Variants in TBL1XR1 observed in about 807,000 individuals in gnomAD.
TBL1XR1 encodes TBL1X/Y related 1, also known as F-box-like/WD repeat-containing protein TBL1XR1.
Under a neutral mutation model 66.9 loss-of-function variants are expected in TBL1XR1, and 5 were observed. The observed-to-expected ratio is 0.07, with a 90% CI of 0.04 to 0.16. The LOEUF is 0.16. Among genes scored for constraint, TBL1XR1 ranks in the 10% least tolerant of loss-of-function variants. The probability of loss-of-function intolerance (pLI) is 1.00; values close to 1 mark genes in which losing one functional copy is unlikely to be tolerated. For synonymous variants in TBL1XR1, 210 were observed against 206.0 expected, an observed-to-expected ratio of 1.02 and a Z score of -0.17; for missense variants, 238 against 623.2, an observed-to-expected ratio of 0.38 and a Z score of 6.58.
intron 1 of TBL1XR1, among the ~76,000 whole-genome samples, chr3:177,137,385 G>A (rs1228011867): frequency 2.6e-5 from 4 of 152,288 alleles, no homozygotes; most frequent in East Asian, 1.9e-4. Context: ...CCGGTTACTC[G>A]GGAGGCTGAG....
intron 1 of TBL1XR1, among the ~76,000 whole-genome samples, chr3:177,147,671 A>C (rs912990423): frequency 3.3e-5 from 5 of 152,178 alleles, no homozygotes; most frequent in African/African-American, 7.2e-5. Flanking sequence ...GGCTGAGGAA[A>C]ATTAGCAAAA....
rs10662042 is a variant in TBL1XR1, at chr3:177,134,945, C to CTGTGTGTGTGTGTGTGTGTGTGTG, written c.-121-36405_-121-36404insCACACACACACACACACACACACA. ...CTGTATCACTCCTGGCACTGCAAGG[C>CTGTGTGTGTGTGTGTGTGTGTGTG]TGTGTGTGTGTGTGTGTGTGTCTGT... On this transcript the variant is annotated intron_variant, in intron 1 of 15. Transcript: ENST00000457928. Among the ~76,000 whole-genome samples, 274 of 129,036 alleles carry CTGTGTGTGTGTGTGTGTGTGTGTG rather than the reference C, an allele frequency of 2.1e-3. 1 individual carries two copies. Among genetic ancestry groups the CTGTGTGTGTGTGTGTGTGTGTGTG allele is most frequent in the African/African-American group, 5.8e-3 (195 of 33,894 alleles). The allele number at this position is 129,036 out of a possible 152,430, so 84.7% of individuals were successfully genotyped here. A position where few individuals can be genotyped will look rare whatever the true frequency, so the allele number is the denominator to read the frequency against.
intron 1 of TBL1XR1, among the ~76,000 whole-genome samples, chr3:177,163,506 G>A (rs534034000): frequency 2.0e-5 from 3 of 148,906 alleles, no homozygotes; most frequent in South Asian, 4.2e-4. Flanking sequence ...CAAAAACTCC[G>A]TCTGAAAAAA....
intron 4 of TBL1XR1, 28 bp from the exon 5 acceptor site, chr3:177,051,754 A>C (rs1403124539): frequency 6.6e-7 from 1 of 1,506,670 alleles, no homozygotes; most frequent in Admixed American, 2.3e-5. Context: ...TGAGAGAAGA[A>C]AAATCAAAGG....
At chr3:177,149,190 G>C (rs947253768) in intron 1 of TBL1XR1, among the ~76,000 whole-genome samples, 1 of 152,120 alleles carries the variant, frequency 6.6e-6, no homozygotes, top group Admixed American at 6.5e-5. Context: ...CCTGTCAATG[G>C]AACAGCACCA....
chr3:177,124,722 A>G (rs984487529), intron 1 of TBL1XR1, among the ~76,000 whole-genome samples: 21 of 152,158 alleles, frequency 1.4e-4, no homozygotes, highest in Admixed American at 3.3e-4. Flanking sequence ...TCAATACTTA[A>G]TAAGTTTATT....
chr3:177,122,916 A>G (rs1727152892), intron 1 of TBL1XR1, among the ~76,000 whole-genome samples: 1 of 152,170 alleles, frequency 6.6e-6, no homozygotes, highest in African/African-American at 2.4e-5. Flanking sequence ...TAGCACAATG[A>G]ATCCCTCTCT....
chr3:177,081,697 C>T (rs998935833), intron 2 of TBL1XR1, among the ~76,000 whole-genome samples: 9 of 149,556 alleles, frequency 6.0e-5, no homozygotes, highest in Admixed American at 1.3e-4. Flanking sequence ...GCCGTGACTG[C>T]GCTGCATGCA....
In TBL1XR1 at chr3:177,162,681, AAAAG is replaced by A. The variant is rs1239212317; in HGVS notation, c.-122+34436_-122+34439del. Among the ~76,000 whole-genome samples the A allele has an allele frequency of 7.9e-5, 12 of 152,324 alleles. No individual in the cohort carries two copies. The South Asian group carries it at 1.2e-3, about 16-fold the overall frequency. On this transcript the variant is annotated intron_variant, in intron 1 of 15. Coordinates refer to ENST00000457928, the MANE Select transcript of TBL1XR1 (RefSeq NM_024665.7). ...ATTGAAAGTAAATCATACCTCAACT[AAAAG>A]AAAGTTTACTGAGTTATACATCTAC...
At chr3:177,181,344 G>A (rs1734796187) in intron 1 of TBL1XR1, among the ~76,000 whole-genome samples, 2 of 151,934 alleles carry the variant, frequency 1.3e-5, no homozygotes, top group Non-Finnish European at 2.9e-5. Context: ...GCCAGGTGTG[G>A]TGGCACACGC....
chr3:177,081,698 G>A (rs79708141), intron 2 of TBL1XR1, among the ~76,000 whole-genome samples: 11,302 of 148,840 alleles, frequency 0.076, 518 homozygotes, highest in Admixed American at 0.15. Context: ...CCGTGACTGC[G>A]CTGCATGCAC....
At chr3:177,135,624 C>T (rs11720816) in intron 1 of TBL1XR1, among the ~76,000 whole-genome samples, 10,400 of 151,026 alleles carry the variant, frequency 0.069, 514 homozygotes, top group Admixed American at 0.17. Flanking sequence ...CCTCGTGATC[C>T]GCCCGCCTCG....
intron 1 of TBL1XR1, among the ~76,000 whole-genome samples, chr3:177,168,283 CT>C (rs11307636): frequency 0.49 from 70,070 of 142,700 alleles, 17,159 homozygotes; most frequent in Non-Finnish European, 0.56. Flanking sequence ...GGAAATAAAC[CT>C]TTTTTTTTTT....
intron 2 of TBL1XR1, among the ~76,000 whole-genome samples, chr3:177,072,772 T>C (rs575837643): frequency 1.9e-4 from 29 of 152,272 alleles, no homozygotes; most frequent in Admixed American, 1.9e-3. Context: ...TTCCTGCAAA[T>C]GAATGAAATG....
chr3:177,050,053 G>T lies in TBL1XR1; in HGVS notation c.646C>A (p.Arg216=). 6.2e-7 allele frequency: 1 copy of T among 1,613,570 alleles called. No individual in the cohort carries two copies. Among genetic ancestry groups the T allele is most frequent in the Non-Finnish European group, 8.5e-7 (1 of 1,179,748 alleles). Residue 216 remains arginine (R), a synonymous_variant, in exon 7 of 16, where the codon CGA becomes AGA. Coordinates refer to ENST00000457928, the MANE Select transcript of TBL1XR1 (RefSeq NM_024665.7). ...CTTGGAACATCTTGCCCTCCTTCTC[G>T]TATACAATGTCTAAGTACTAACTGT... ...STQLVLRHCI[R]EGGQDVPSNK...
In TBL1XR1 at chr3:177,152,483, C is replaced by T. The variant is rs143428286; in HGVS notation, c.-122+44638G>A. Among the ~76,000 whole-genome samples the T allele has an allele frequency of 6.3e-3, 958 of 152,272 alleles. 10 individuals are homozygous for T. Among genetic ancestry groups the T allele is most frequent in the Non-Finnish European group, 0.01 (694 of 68,012 alleles). On this transcript the variant is annotated intron_variant, in intron 1 of 15. Transcript: ENST00000457928. ...TGTATTTTTAGTAGAGATGGGGTTT[C>T]GCCATTTTGGCCAGGCTTGTCTTGA...
At chr3:177,119,243 G>C (rs910242791) in intron 1 of TBL1XR1, among the ~76,000 whole-genome samples, 16 of 152,124 alleles carry the variant, frequency 1.1e-4, no homozygotes, top group Non-Finnish European at 2.4e-4. Flanking sequence ...AAAGTGCTGG[G>C]ATTACAGGCG....
chr3:177,022,647 G>A lies in TBL1XR1; in HGVS notation c.*2851C>T, dbSNP rs769946914. 3.9e-5 allele frequency: 6 copies of A among 152,400 alleles called. No homozygotes were observed. The highest frequency in any genetic ancestry group is 6.6e-5 in the Admixed American group (1 of 15,244). 9.4% of individuals were successfully genotyped at this position (152,400 alleles called of 1,614,324 possible). A position where few individuals can be genotyped will look rare whatever the true frequency, so the allele number is the denominator to read the frequency against. On this transcript the variant is annotated 3_prime_UTR_variant, in exon 16 of 16. Coordinates refer to ENST00000457928, the MANE Select transcript of TBL1XR1 (RefSeq NM_024665.7). ...CAACAAATAGCATAGAAAAACTACTGGATTCAATTGATCATCAGGAATAAG... is the reference window on the plus strand; with the variant it reads ...CAACAAATAGCATAGAAAAACTACTAGATTCAATTGATCATCAGGAATAAG...
At chr3:177,113,812 T>A (rs1294213313) in intron 1 of TBL1XR1, among the ~76,000 whole-genome samples, 5 of 152,250 alleles carry the variant, frequency 3.3e-5, no homozygotes, top group African/African-American at 1.2e-4. Context: ...CAATGAAATA[T>A]TATCTCACCC....
Sources: gnomAD v4.1 joint callset for allele counts (sites outside exome capture counted in the v4.1 genomes callset) on GRCh38, gnomAD v4.1.1 for gene constraint, MANE v1.5 for transcripts, NCBI Gene and HGNC (gene_info 2026-07-23, HGNC 2026-07-21) for gene names.